Variants in DDA1 observed in about 807,000 individuals in gnomAD.
The protein encoded by DDA1 is DET1- and DDB1-associated protein 1.
Under a neutral mutation model 18.6 loss-of-function variants are expected in DDA1, and 3 were observed. The observed-to-expected ratio is 0.16, with a 90% CI of 0.07 to 0.42. DDA1 has a LOEUF of 0.42. Ranked by LOEUF, DDA1 falls within the 10% of genes least tolerant of loss-of-function variation. The pLI is 0.99. For synonymous variants in DDA1, 52 were observed against 54.0 expected (o/e 0.96, Z 0.17); for missense variants, 105 against 138.2 (o/e 0.76, Z 1.20).
Position 17,319,644 on chromosome 19 carries a change from C to G in DDA1, c.297C>G (p.His99Gln). The G allele has an allele frequency of 6.4e-7, 1 of 1,570,670 alleles. No homozygotes were observed. The highest frequency in any genetic ancestry group is 8.6e-7 in the Non-Finnish European group (1 of 1,157,846). Residue 99 changes from histidine to glutamine, a missense_variant, in exon 5 of 5, where the codon CAC becomes CAG. By Grantham distance (24) the His-to-Gln change is conservative (BLOSUM62 0). This residue lies in a region of DDA1 where 62 missense variants were observed against 55.8 expected (regional missense o/e 1.11). Transcript: ENST00000359866. ...CGCGGACCGACAGCCCAGACATGCACGAGGACACTTAAGACTCTCAACTCC... is the reference window on the plus strand; with the variant it reads ...CGCGGACCGACAGCCCAGACATGCAGGAGGACACTTAAGACTCTCAACTCC... ...KVARTDSPDM[H>Q]EDT
intron 3 of DDA1, 57 bp from the exon 4 acceptor site, chr19:17,315,877 A>T: frequency 6.5e-7 from 1 of 1,530,978 alleles, no homozygotes; most frequent in Non-Finnish European, 9.1e-7. Context: ...GGGCAGTGTC[A>T]GGGGAGGAGC....
intron 3 of DDA1, among the ~76,000 whole-genome samples, chr19:17,315,185 A>G (rs1248158763): frequency 5.0e-5 from 2 of 40,102 alleles, no homozygotes; most frequent in Admixed American, 3.0e-4. Flanking sequence ...ACACACGTGT[A>G]TACACACACG....
At chr19:17,310,168 C>G (rs112888369) in intron 1 of DDA1, 1,602 of 158,278 alleles carry the variant, frequency 0.01, 25 homozygotes, top group African/African-American at 0.036. Context: ...GGCCCTTACC[C>G]GCCTCTAAGA....
In DDA1 at chr19:17,314,685, G is replaced by A. The variant is rs1475084333; in HGVS notation, c.136+296G>A. 3 of 454,704 alleles carry A rather than the reference G, an allele frequency of 6.6e-6. No homozygotes were observed. The East Asian group carries it at 1.3e-4, about 19-fold the overall frequency. 28.2% of individuals were successfully genotyped at this position (454,704 alleles called of 1,614,324 possible). The stretch of plus-strand genomic sequence containing the variant: ...GTGTCTCTTGATTGGGACACACTGG[G>A]ATCCACAGCCAGCCCAAAGGGGCCC... On this transcript the variant is annotated intron_variant, in intron 3 of 4. Transcript: ENST00000359866. This position sits in a 1 kb window ranked among gnomAD's most constrained non-coding sequence, Gnocchi z 4.6.
Position 17,315,090 on chromosome 19 carries a change from C to T in DDA1, c.136+701C>T, listed in dbSNP as rs572380601. On this transcript the variant is annotated intron_variant, in intron 3 of 4. Transcript: ENST00000359866. ...TGTTTCACCAAAAACCATATATATA[C>T]GTATATATACACACATATATATACA... is the stretch of plus-strand genomic sequence containing the variant. 3.5e-5 allele frequency among the ~76,000 whole-genome samples: 5 copies of T among 140,900 alleles called. No individual in the cohort carries two copies. The East Asian group carries it at 7.7e-4, about 22-fold the overall frequency. The allele number at this position is 140,900 out of a possible 152,430, so 92.4% of individuals were successfully genotyped here.
Position 17,321,605 on chromosome 19 carries a change from T to G in DDA1, c.*1949T>G, listed in dbSNP as rs2074240195. ...GCTGAGTCTGAGGGCGTTGGGATGG[T>G]GTAGGGTTGGGCCACAGAGCTAGCA... On this transcript the variant is annotated 3_prime_UTR_variant, in exon 5 of 5. Coordinates refer to ENST00000359866, the MANE Select transcript of DDA1 (RefSeq NM_024050.6). 2.6e-5 allele frequency: 4 copies of G among 152,286 alleles called. No individual in the cohort carries two copies. Among genetic ancestry groups the G allele is most frequent in the Non-Finnish European group, 5.9e-5 (4 of 68,198 alleles). The allele number at this position is 152,286 out of a possible 1,614,324, so 9.4% of individuals were successfully genotyped here.
Position 17,314,555 on chromosome 19 carries a change from G to A in DDA1, c.136+166G>A, listed in dbSNP as rs1467642620. The A allele has an allele frequency of 2.3e-6, 2 of 855,880 alleles. No homozygotes were observed. Among genetic ancestry groups the A allele is most frequent in the South Asian group, 1.7e-5 (1 of 60,068 alleles). 53.0% of individuals were successfully genotyped at this position (855,880 alleles called of 1,614,324 possible). A position where few individuals can be genotyped will look rare whatever the true frequency, so the allele number is the denominator to read the frequency against. On this transcript the variant is annotated intron_variant, in intron 3 of 4. Transcript: ENST00000359866. This position sits in a 1 kb window ranked among gnomAD's most constrained non-coding sequence, Gnocchi z 4.6. ...CAGTTAAGTCAGGGAGGGCCTCCAG[G>A]GAGGTACAGGAGGGGGACCTTGGGG...
At position 17,320,015 on chromosome 19, in the gene DDA1, C is replaced by T. The variant is rs1242969187; in HGVS notation, c.*359C>T. 9.9e-5 allele frequency: 20 copies of T among 202,270 alleles called. No homozygotes were observed. The highest frequency in any genetic ancestry group is 5.1e-5 in the Non-Finnish European group (5 of 98,596). The allele number at this position is 202,270 out of a possible 1,614,324, so 12.5% of individuals were successfully genotyped here. ...AGAGTGTGTCTGTGAGAGTCTCTAG[C>T]GGGGGCTTTACTGTGGCCGGGCGAC... On this transcript the variant is annotated 3_prime_UTR_variant, in exon 5 of 5. Transcript: ENST00000359866.
intron 4 of DDA1, among the ~76,000 whole-genome samples, chr19:17,316,597 G>A (rs964238985): frequency 2.6e-5 from 4 of 151,706 alleles, no homozygotes; most frequent in African/African-American, 4.8e-5. Flanking sequence ...AAAAAAGGCC[G>A]GGTGAGGTGG....
chr19:17,315,337 A>ATATATATACACGC (rs1568354045), intron 3 of DDA1, among the ~76,000 whole-genome samples: 1 of 84,880 alleles, frequency 1.2e-5, no homozygotes, highest in East Asian at 2.3e-4. Flanking sequence ...ATACACACGT[A>ATATATATACACGC]TATATATACA....
At chr19:17,317,472 G>A (rs1301312532) in intron 4 of DDA1, among the ~76,000 whole-genome samples, 3 of 150,516 alleles carry the variant, frequency 2.0e-5, no homozygotes, top group Admixed American at 1.3e-4. Context: ...AGCTGAAATT[G>A]CACCACTGCA....
chr19:17,312,527 C>G (rs1438726785), intron 1 of DDA1, among the ~76,000 whole-genome samples: 1 of 152,046 alleles, frequency 6.6e-6, no homozygotes, highest in Non-Finnish European at 1.5e-5. Context: ...TGGGCCAGGG[C>G]TGCGAAGGGG....
At chr19:17,311,166 G>GTT (rs369590586) in intron 1 of DDA1, among the ~76,000 whole-genome samples, 1 of 145,774 alleles carries the variant, frequency 6.9e-6, no homozygotes, top group African/African-American at 2.5e-5. Flanking sequence ...GAAGGAGGTT[G>GTT]TTTTTTTTTT....
At chr19:17,315,662 T>C in intron 3 of DDA1, 1 of 520,112 alleles carries the variant, frequency 1.9e-6, no homozygotes, top group Non-Finnish European at 3.5e-6. Context: ...CTAGTCAGCC[T>C]GGGAGAAACA....
rs1568351814 is a variant in DDA1 at position 17,309,603 on chromosome 19, G to A, written c.-52G>A. 1.3e-6 allele frequency: 2 copies of A among 1,598,950 alleles called. No homozygotes were observed. Among genetic ancestry groups the A allele is most frequent in the Non-Finnish European group, 8.6e-7 (1 of 1,167,462 alleles). On this transcript the variant is annotated 5_prime_UTR_variant, in exon 1 of 5. Transcript: ENST00000359866. ...GGCGGCTAAGAAGGCGGCTCTGGTG[G>A]CGGCGGTGGAGGCTGAGGCGGCGGC...
Position 17,322,791 on chromosome 19 carries a change from C to T in DDA1, c.*3135C>T, listed in dbSNP as rs1045344798. ...CACAAGTCGGGGACTGCAGGAGGCT[C>T]AGGTGCCAGGTGCCTTCTGATGTTC... On this transcript the variant is annotated 3_prime_UTR_variant, in exon 5 of 5. Transcript: ENST00000359866. The T allele has an allele frequency of 1.3e-5, 2 of 152,264 alleles. No individual in the cohort carries two copies. Among genetic ancestry groups the T allele is most frequent in the Non-Finnish European group, 2.9e-5 (2 of 68,076 alleles). 9.4% of individuals were successfully genotyped at this position (152,264 alleles called of 1,614,324 possible). A position where few individuals can be genotyped will look rare whatever the true frequency, so the allele number is the denominator to read the frequency against.
chr19:17,311,227 A>G (rs10423120), intron 1 of DDA1, among the ~76,000 whole-genome samples: 24,533 of 150,680 alleles, frequency 0.16, 2,158 homozygotes, highest in Non-Finnish European at 0.18. Flanking sequence ...GTGCAGTGGC[A>G]TGATCTCGGC....
Position 17,315,863 on chromosome 19 carries a change from C to T in DDA1, c.137-71C>T, listed in dbSNP as rs942772979. On this transcript the variant is annotated intron_variant, in intron 3 of 4. Coordinates refer to ENST00000359866, the MANE Select transcript of DDA1 (RefSeq NM_024050.6). Reference sequence around the variant, plus strand: ...CTGAGTTCCAGCCCCAAAAAGACCTCCCAGGGCAGTGTCAGGGGAGGAGCC... The same window carrying T: ...CTGAGTTCCAGCCCCAAAAAGACCTTCCAGGGCAGTGTCAGGGGAGGAGCC... 12 of 1,477,320 alleles carry T rather than the reference C, an allele frequency of 8.1e-6. No individual in the cohort carries two copies. The African/African-American group carries it at 1.5e-4, about 19-fold the overall frequency. 91.5% of individuals were successfully genotyped at this position (1,477,320 alleles called of 1,614,324 possible). A position where few individuals can be genotyped will look rare whatever the true frequency, so the allele number is the denominator to read the frequency against.
chr19:17,314,356 T>A lies in DDA1; in HGVS notation c.103T>A (p.Tyr35Asn). 6.2e-7 allele frequency: 1 copy of A among 1,614,240 alleles called. No homozygotes were observed. Among genetic ancestry groups the A allele is most frequent in the South Asian group, 1.1e-5 (1 of 91,086 alleles). Residue 35 changes from tyrosine to asparagine, a missense_variant, in exon 3 of 5, where the codon TAC becomes AAC. By Grantham distance (143) the Tyr-to-Asn change is moderately radical. This residue lies in a region of DDA1 where 43 missense variants were observed against 82.3 expected (regional missense o/e 0.52). Coordinates refer to ENST00000359866, the MANE Select transcript of DDA1 (RefSeq NM_024050.6). The surrounding 1 kb of genome is among the most constrained non-coding windows in gnomAD (Gnocchi z 4.6). ...CKASNRRPSV[Y>N]LPTREYPSEQ... ...CCTGCAGAACCGACGGCCCTCAGTC[T>A]ACCTGCCTACCCGCGAGTACCCGTC...
Sources: gnomAD v4.1 joint callset for allele counts (sites outside exome capture counted in the v4.1 genomes callset) on GRCh38, gnomAD v4.1.1 for gene constraint, gnomAD v4.1.1 regional missense constraint, Gnocchi (gnomAD v3.1) non-coding constraint, MANE v1.5 for transcripts, NCBI Gene and HGNC (gene_info 2026-07-23, HGNC 2026-07-21) for gene names.